LZTFL1: variants seen among roughly 807,000 people sequenced by gnomAD.
LZTFL1 encodes the protein leucine zipper transcription factor-like protein 1.
In LZTFL1, 25 loss-of-function variants were observed where a neutral mutation model predicts 45.9. That is an observed-to-expected ratio of 0.54 (90% CI 0.40 to 0.76). The LOEUF (loss-of-function observed/expected upper bound fraction) is 0.76. LZTFL1 is among the 30% of genes least tolerant of loss of function. The probability of loss-of-function intolerance (pLI) is 0.00; values close to 1 mark genes in which losing one functional copy is unlikely to be tolerated. For missense variants in LZTFL1, 277 were observed against 331.1 expected, an observed-to-expected ratio of 0.84 and a Z score of 1.27; for synonymous variants, 93 against 117.4, an observed-to-expected ratio of 0.79 and a Z score of 1.35.
chr3:45,911,556 G>A (rs940039414), intron 2 of LZTFL1, among the ~76,000 whole-genome samples: 2 of 152,234 alleles, frequency 1.3e-5, no homozygotes, highest in African/African-American at 4.8e-5. Context: ...CCCAGTTGAA[G>A]TTCAAGCACT....
chr3:45,883,726 C>A (rs1701907623), intron 2 of LZTFL1: 2 of 568,086 alleles, frequency 3.5e-6, no homozygotes, highest in Admixed American at 2.4e-5. Flanking sequence ...GCTGAAAGTG[C>A]CAAAAGGCCT....
intron 4 of LZTFL1, 127 bp from the exon 5 acceptor site, chr3:45,833,248 A>C: frequency 1.5e-6 from 1 of 657,444 alleles, no homozygotes; most frequent in Non-Finnish European, 2.7e-6. Context: ...TCAGTTCCAC[A>C]GGTGTGGAGA....
intron 2 of LZTFL1, among the ~76,000 whole-genome samples, chr3:45,899,466 A>G (rs1334885191): frequency 6.6e-6 from 1 of 152,244 alleles, no homozygotes; most frequent in African/African-American, 2.4e-5. Context: ...ATTTGTTAAT[A>G]TTAACTGTTC....
At chr3:45,893,228 C>T (rs1384815347) in intron 2 of LZTFL1, among the ~76,000 whole-genome samples, 6 of 151,648 alleles carry the variant, frequency 4.0e-5, no homozygotes, top group African/African-American at 1.5e-4. Context: ...AATCTTGGCT[C>T]ACTGCAACCT....
chr3:45,854,191 G>A (rs748076564), intron 4 of LZTFL1, among the ~76,000 whole-genome samples: 2 of 152,142 alleles, frequency 1.3e-5, no homozygotes, highest in Non-Finnish European at 2.9e-5. Flanking sequence ...CAGCTGCTTT[G>A]TTTTACCATG....
intron 4 of LZTFL1, among the ~76,000 whole-genome samples, chr3:45,848,737 C>T (rs964055858): frequency 6.6e-6 from 1 of 152,112 alleles, no homozygotes; most frequent in Non-Finnish European, 1.5e-5. Flanking sequence ...GCCATGTGGT[C>T]TCTAAGTGTT....
chr3:45,915,548 T>C (rs1186312448), exon 1 of LZTFL1: 1 of 456,566 alleles, frequency 2.2e-6, no homozygotes, highest in Admixed American at 2.3e-5. Context: ...GATGATTCTA[T>C]GGACCCACAG....
chr3:45,889,576 C>A (rs758199183), intron 2 of LZTFL1, among the ~76,000 whole-genome samples: 10 of 151,992 alleles, frequency 6.6e-5, no homozygotes, highest in Non-Finnish European at 1.3e-4. Flanking sequence ...AAATAGTTTG[C>A]AAAATCTAAA....
At chr3:45,838,122 T>C (rs899400218) in intron 1 of LZTFL1, 71 bp from the exon 2 acceptor site, 1 of 1,480,840 alleles carries the variant, frequency 6.8e-7, no homozygotes, top group East Asian at 2.3e-5. Context: ...TGAAAATGCA[T>C]AAGATATCCT....
At chr3:45,865,531 A>C (rs1701564870) in intron 2 of LZTFL1, among the ~76,000 whole-genome samples, 1 of 152,280 alleles carries the variant, frequency 6.6e-6, no homozygotes, top group South Asian at 2.1e-4. Context: ...ACTTTTAATG[A>C]TAAATATGTA....
Position 45,826,325 on chromosome 3 carries a change from G to A in LZTFL1, c.889C>T (p.Pro297Ser). The change falls in exon 10 of 10, where the codon CCT becomes TCT. Residue 297 changes from proline (P) to serine (S), a missense_variant. Pro to Ser is a moderately conservative substitution (Grantham distance 74, BLOSUM62 -1). Transcript: ENST00000296135. ...GGAAATCTTCAGTTTTAATCTTCAG[G>A]TTCATATCTGGAGATATAAATTAAG... ...DLRKRLAQYE[P>S]ED 1 of 1,611,512 alleles carries A rather than the reference G, an allele frequency of 6.2e-7. No individual in the cohort carries two copies. Among genetic ancestry groups the A allele is most frequent in the South Asian group, 1.1e-5 (1 of 90,890 alleles).
intron 2 of LZTFL1, among the ~76,000 whole-genome samples, chr3:45,898,134 C>T (rs1231458446): frequency 1.3e-5 from 2 of 152,158 alleles, no homozygotes; most frequent in African/African-American, 4.8e-5. Context: ...AAAGGTCATC[C>T]TCCCAACCTC....
At chr3:45,910,904 A>G (rs1259082890) in intron 2 of LZTFL1, among the ~76,000 whole-genome samples, 2 of 152,270 alleles carry the variant, frequency 1.3e-5, no homozygotes, top group East Asian at 3.9e-4. Flanking sequence ...ATGTGGCTGC[A>G]GTTAGATATT....
rs386396531 is a variant in LZTFL1 at position 45,839,096 on chromosome 3, C to CTTCT, written c.4-1046_4-1045insAGAA. Among the ~76,000 whole-genome samples the CTTCT allele has an allele frequency of 1.9e-4, 28 of 151,350 alleles. No individual in the cohort carries two copies. The East Asian group carries it at 4.7e-3, about 25-fold the overall frequency. On this transcript the variant is annotated intron_variant, in intron 1 of 9. Transcript: ENST00000296135. Reference sequence around the variant, plus strand: ...TAAAAACAAAGCATAAATACAGATTCTTTTTTTTTAGAGACGGAGTCTCGC... The same window carrying CTTCT: ...TAAAAACAAAGCATAAATACAGATTCTTCTTTTTTTTTTAGAGACGGAGTCTCGC...
rs191402212 is a variant in LZTFL1 at position 45,853,384 on chromosome 3, T to C, written c.-49+1602A>G. 3.2e-3 allele frequency among the ~76,000 whole-genome samples: 490 copies of C among 152,336 alleles called. 2 individuals carry two copies. The highest frequency in any genetic ancestry group is 0.024 in the Middle Eastern group (7 of 294). ...ACATCTTTTTTTGGGGCAAGGTGCATAGAAATTTTGGTGTGACTTACTTTG... is the reference window on the plus strand; with the variant it reads ...ACATCTTTTTTTGGGGCAAGGTGCACAGAAATTTTGGTGTGACTTACTTTG... On this transcript the variant is annotated intron_variant, in intron 4 of 4. Coordinates refer to the LZTFL1 transcript ENST00000472635.
At chr3:45,883,562 G>A in intron 2 of LZTFL1, 1 of 273,368 alleles carries the variant, frequency 3.7e-6, no homozygotes, top group Non-Finnish European at 7.1e-6. Context: ...CTTCCTTATT[G>A]TGAGTTGAAT....
chr3:45,903,229 C>T (rs368671812), intron 2 of LZTFL1: 2 of 165,808 alleles, frequency 1.2e-5, no homozygotes, highest in African/African-American at 4.8e-5. Flanking sequence ...GGATTGTTCA[C>T]ACTCAGTTAC....
At chr3:45,895,834 A>G (rs1047033621) in intron 2 of LZTFL1, among the ~76,000 whole-genome samples, 1 of 152,162 alleles carries the variant, frequency 6.6e-6, no homozygotes, top group Non-Finnish European at 1.5e-5. Context: ...AACATTCATA[A>G]ATGCCTTATA....
chr3:45,904,061 C>G (rs1354414883), intron 2 of LZTFL1, among the ~76,000 whole-genome samples: 1 of 152,168 alleles, frequency 6.6e-6, no homozygotes, highest in Non-Finnish European at 1.5e-5. Context: ...CACAGGGCAG[C>G]CTCACCAGGA....
Sources: gnomAD v4.1 joint callset for allele counts (sites outside exome capture counted in the v4.1 genomes callset) on GRCh38, gnomAD v4.1.1 for gene constraint, MANE v1.5 for transcripts, NCBI Gene and HGNC (gene_info 2026-07-23, HGNC 2026-07-21) for gene names.